The following TRIM54 variants were observed in gnomAD, a reference collection of about 807,000 sequenced individuals.
TRIM54 encodes tripartite motif-containing protein 54.
A neutral mutation model predicts 42.0 loss-of-function variants in TRIM54; 40 were observed. The ratio of observed to expected loss-of-function variants is 0.95; its 90% confidence interval spans 0.74 to 1.24. The LOEUF is 1.24. Ranked by LOEUF, TRIM54 falls within the 50% of genes most tolerant of loss-of-function variation. The pLI is 0.00. For synonymous variants in TRIM54, 199 were observed against 194.9 expected, an observed-to-expected ratio of 1.02 and a Z score of -0.17; for missense variants, 485 against 480.3, an observed-to-expected ratio of 1.01 and a Z score of -0.09.
chr2:27,299,074 T>C (rs1038696149), intron 2 of TRIM54, among the ~76,000 whole-genome samples, 171 bp from the exon 3 acceptor site: 2 of 152,314 alleles, frequency 1.3e-5, no homozygotes, highest in Admixed American at 6.5e-5. Context: ...CTCTATCTCT[T>C]AGCTCCTTCT....
At position 27,307,361 on chromosome 2, in the gene TRIM54, C is replaced by T. The variant is rs1050610287; in HGVS notation, c.*476C>T. The T allele has an allele frequency of 6.2e-6, 8 of 1,292,922 alleles. No individual in the cohort carries two copies. The highest frequency in any genetic ancestry group is 1.5e-5 in the African/African-American group (1 of 65,776). 80.1% of individuals were successfully genotyped at this position (1,292,922 alleles called of 1,614,324 possible). A position where few individuals can be genotyped will look rare whatever the true frequency, so the allele number is the denominator to read the frequency against. On this transcript the variant is annotated 3_prime_UTR_variant, in exon 9 of 9. Coordinates refer to ENST00000380075, the MANE Select transcript of TRIM54 (RefSeq NM_187841.3). The surrounding 1 kb of genome is among the most constrained non-coding windows in gnomAD (Gnocchi z 6.9). Reference sequence around the variant, plus strand: ...GGCCCCACCTTCCCACGGGTTCCCACGCTGCTGTGACTGCCCTGCCTCTAC... The same window carrying T: ...GGCCCCACCTTCCCACGGGTTCCCATGCTGCTGTGACTGCCCTGCCTCTAC...
rs776035931 is a variant in TRIM54, at chr2:27,306,573, G to C, written c.*1+31G>C. ...AGCCGCCCGATGGGCCTTAAGGTGA[G>C]AGCGGCCTGAGGGGCTTGGGGTGGG... On this transcript the variant is annotated intron_variant, in intron 8 of 8. Transcript: ENST00000380075. This position sits in a 1 kb window ranked among gnomAD's most constrained non-coding sequence, Gnocchi z 6.1. 9.3e-6 allele frequency: 14 copies of C among 1,509,664 alleles called. No homozygotes were observed. The African/African-American group carries it at 1.8e-4, about 19-fold the overall frequency. The allele number at this position is 1,509,664 out of a possible 1,614,324, so 93.5% of individuals were successfully genotyped here.
At chr2:27,284,455 A>G (rs1400402273) in intron 1 of TRIM54, among the ~76,000 whole-genome samples, 2 of 151,412 alleles carry the variant, frequency 1.3e-5, no homozygotes, top group Admixed American at 6.6e-5. Flanking sequence ...CCATCTTCCC[A>G]TTGAGACCCA....
chr2:27,284,013 G>A (rs1678487093), intron 1 of TRIM54, among the ~76,000 whole-genome samples: 1 of 152,030 alleles, frequency 6.6e-6, no homozygotes, highest in Non-Finnish European at 1.5e-5. Context: ...GGCGCCTGTA[G>A]TCCCAGCTAC....
At chr2:27,300,014 G>C (rs564529837) in intron 3 of TRIM54, among the ~76,000 whole-genome samples, 1 of 151,470 alleles carries the variant, frequency 6.6e-6, no homozygotes, top group Admixed American at 6.6e-5. Flanking sequence ...TCTCTGTCGC[G>C]CAGGCTGGAA....
At chr2:27,285,628 A>G (rs144113109) in intron 1 of TRIM54, among the ~76,000 whole-genome samples, 171 of 152,270 alleles carry the variant, frequency 1.1e-3, no homozygotes, top group Middle Eastern at 6.8e-3. Flanking sequence ...ATTTGCATGT[A>G]TATGTGTTCT....
chr2:27,283,048 G>A (rs1353540815), intron 1 of TRIM54, 149 bp downstream of exon 1: 2 of 879,970 alleles, frequency 2.3e-6, no homozygotes, highest in African/African-American at 3.4e-5. Context: ...GAAGGGCTGG[G>A]GTCCAAGCAA....
In TRIM54 at chr2:27,306,640, C is replaced by T; in HGVS notation, c.*1+98C>T. Reference sequence around the variant, plus strand: ...CGCGTCCCCTCCCCCAGTGATTGCCCTCCCTGCGGGTAGCGTGGAGCCCCC... The same window carrying T: ...CGCGTCCCCTCCCCCAGTGATTGCCTTCCCTGCGGGTAGCGTGGAGCCCCC... On this transcript the variant is annotated intron_variant, in intron 8 of 8. Coordinates refer to ENST00000380075, the MANE Select transcript of TRIM54 (RefSeq NM_187841.3). This position sits in a 1 kb window ranked among gnomAD's most constrained non-coding sequence, Gnocchi z 6.1. 1.6e-6 allele frequency: 2 copies of T among 1,258,562 alleles called. No homozygotes were observed. The highest frequency in any genetic ancestry group is 1.1e-6 in the Non-Finnish European group (1 of 924,600). 78.0% of individuals were successfully genotyped at this position (1,258,562 alleles called of 1,614,324 possible). A position where few individuals can be genotyped will look rare whatever the true frequency, so the allele number is the denominator to read the frequency against.
chr2:27,295,413 T>G (rs1388611117), intron 1 of TRIM54, among the ~76,000 whole-genome samples: 1 of 152,094 alleles, frequency 6.6e-6, no homozygotes, highest in Non-Finnish European at 1.5e-5. Flanking sequence ...TTCAAGCAAT[T>G]CTCTTGCCTC....
At chr2:27,300,759 G>A (rs927882916) in intron 3 of TRIM54, among the ~76,000 whole-genome samples, 3 of 152,066 alleles carry the variant, frequency 2.0e-5, no homozygotes, top group Non-Finnish European at 4.4e-5. Context: ...CCAGCTACTC[G>A]GGAGGCTGAG....
rs2148198373 is a variant in TRIM54 at position 27,298,679 on chromosome 2, G to A, written c.281G>A (p.Gly94Asp). 2 of 1,614,160 alleles carry A rather than the reference G, an allele frequency of 1.2e-6. No homozygotes were observed. Among genetic ancestry groups the A allele is most frequent in the Middle Eastern group, 1.6e-4 (1 of 6,062 alleles). Residue 94 changes from glycine to aspartate, a missense_variant, in exon 2 of 9, where the codon GGC (glycine) becomes GAC (aspartate). Coordinates refer to ENST00000380075, the MANE Select transcript of TRIM54 (RefSeq NM_187841.3). The part of the protein sequence containing the change: ...EVVLDRHGVY[G>D]LQRNLLVENI... ...GTCCTGGACAGACACGGTGTCTACG[G>A]CCTGCAGCGAAACCTGCTAGTGGAG...
chr2:27,299,423 A>C lies in TRIM54; in HGVS notation c.513+7A>C. On this transcript the variant is annotated splice_region_variant and intron_variant, in intron 3 of 8. Coordinates refer to ENST00000380075, the MANE Select transcript of TRIM54 (RefSeq NM_187841.3). ...CATTTACAAACGCCAGAAGGTATCA[A>C]ACAGGGGAGGGAGTAGATATGTGAG... is the stretch of plus-strand genomic sequence containing the variant. 6.2e-7 allele frequency: 1 copy of C among 1,613,212 alleles called. No individual in the cohort carries two copies. Among genetic ancestry groups the C allele is most frequent in the Non-Finnish European group, 8.5e-7 (1 of 1,179,702 alleles).
chr2:27,305,456 C>T (rs1297075291), intron 4 of TRIM54, 128 bp from the exon 5 acceptor site: 2 of 723,478 alleles, frequency 2.8e-6, no homozygotes, highest in Non-Finnish European at 4.6e-6. Flanking sequence ...GGTTCTGGCT[C>T]AGCCACTAAC....
intron 3 of TRIM54, among the ~76,000 whole-genome samples, chr2:27,303,834 T>TA (rs904375764): frequency 1.1e-4 from 16 of 152,124 alleles, no homozygotes; most frequent in African/African-American, 3.9e-4. Context: ...TTGGAATTAT[T>TA]AAATAATTGG....
In TRIM54 at chr2:27,306,502, C is replaced by T. The variant is rs1338130533; in HGVS notation, c.1038C>T (p.Gly346=). 2 of 1,576,042 alleles carry T rather than the reference C, an allele frequency of 1.3e-6. No individual in the cohort carries two copies. The highest frequency in any genetic ancestry group is 2.3e-5 in the East Asian group (1 of 43,068). ...EEEVAPDGEE[G]SAGPEEERPD... ...AGGTGGCCCCAGACGGAGAGGAGGG[C>T]AGCGCGGGGCCGGAGGAAGAGCGGC... The change falls in exon 8 of 9, where the codon GGC becomes GGT. Residue 346 remains glycine (G), a synonymous_variant. Transcript: ENST00000380075. This position sits in a 1 kb window ranked among gnomAD's most constrained non-coding sequence, Gnocchi z 6.1.
At chr2:27,302,520 G>A (rs1248805436) in intron 3 of TRIM54, among the ~76,000 whole-genome samples, 1 of 152,044 alleles carries the variant, frequency 6.6e-6, no homozygotes, top group Admixed American at 6.6e-5. Context: ...AGCCAGGCGT[G>A]GTGGCTCATG....
chr2:27,306,434 A>G lies in TRIM54; in HGVS notation c.992-22A>G. 17 of 1,606,228 alleles carry G rather than the reference A, an allele frequency of 1.1e-5. No individual in the cohort carries two copies. Among genetic ancestry groups the G allele is most frequent in the Non-Finnish European group, 1.4e-5 (17 of 1,176,346 alleles). On this transcript the variant is annotated intron_variant, in intron 7 of 8. Transcript: ENST00000380075. The surrounding 1 kb of genome is among the most constrained non-coding windows in gnomAD (Gnocchi z 6.1). ...GCCGTAAAGGCAGGGACTCCACCTCACCAGGCCTTCCTTGGGCTCAGGCGC... is the reference window on the plus strand; with the variant it reads ...GCCGTAAAGGCAGGGACTCCACCTCGCCAGGCCTTCCTTGGGCTCAGGCGC...
intron 1 of TRIM54, among the ~76,000 whole-genome samples, chr2:27,296,080 C>A (rs543589064): frequency 1.3e-5 from 2 of 152,296 alleles, no homozygotes; most frequent in East Asian, 1.9e-4. Context: ...ATATTTATGG[C>A]ACACACCAGT....
In TRIM54 at chr2:27,307,275, G is replaced by A; in HGVS notation, c.*390G>A. The A allele has an allele frequency of 1.6e-6, 1 of 624,760 alleles. No homozygotes were observed. The highest frequency in any genetic ancestry group is 3.1e-5 in the East Asian group (1 of 32,264). 38.7% of individuals were successfully genotyped at this position (624,760 alleles called of 1,614,324 possible). On this transcript the variant is annotated 3_prime_UTR_variant, in exon 9 of 9. Transcript: ENST00000380075. The surrounding 1 kb of genome is among the most constrained non-coding windows in gnomAD (Gnocchi z 6.9). ...GGGTCCACATGCACCTGGCTGACCT[G>A]GCTGAAAGCCGCTGTCTCGGAGCCC...
Sources: gnomAD v4.1 joint callset for allele counts (sites outside exome capture counted in the v4.1 genomes callset) on GRCh38, gnomAD v4.1.1 for gene constraint, Gnocchi (gnomAD v3.1) non-coding constraint, MANE v1.5 for transcripts, NCBI Gene and HGNC (gene_info 2026-07-23, HGNC 2026-07-21) for gene names.